The following EYA2 variants were observed in gnomAD, a reference collection of about 807,000 sequenced individuals.
The protein encoded by EYA2 is EYA transcriptional coactivator and phosphatase 2, also known as protein phosphatase EYA2.
Under a neutral mutation model 69.2 loss-of-function variants are expected in EYA2, and 31 were observed. That is an observed-to-expected ratio of 0.45 (90% CI 0.34 to 0.60). EYA2 has a LOEUF of 0.60. Ranked by LOEUF, EYA2 falls within the 20% of genes least tolerant of loss-of-function variation. The pLI is 0.02. For missense variants in EYA2, 622 were observed against 701.2 expected, an observed-to-expected ratio of 0.89 and a Z score of 1.28; for synonymous variants, 257 against 279.4, an observed-to-expected ratio of 0.92 and a Z score of 0.80.
intron 9 of EYA2, among the ~76,000 whole-genome samples, chr20:47,124,529 C>T (rs1446618847): frequency 2.0e-5 from 3 of 152,158 alleles, no homozygotes; most frequent in East Asian, 3.9e-4. Context: ...ATGGCAGCAG[C>T]GGGCACTTGC....
chr20:47,070,954 T>TC (rs1353060844), intron 5 of EYA2, among the ~76,000 whole-genome samples: 1 of 151,864 alleles, frequency 6.6e-6, no homozygotes, highest in East Asian at 1.9e-4. Flanking sequence ...GTTCAAGCAA[T>TC]CCCCCCGCCT....
At chr20:47,090,881 A>C (rs1213149090) in intron 8 of EYA2, among the ~76,000 whole-genome samples, 6 of 152,146 alleles carry the variant, frequency 3.9e-5, no homozygotes, top group African/African-American at 7.2e-5. Flanking sequence ...TGGATGCCCC[A>C]AAACCGGAAG....
chr20:46,933,897 A>G lies in EYA2; in HGVS notation c.-11+38910A>G, dbSNP rs138743848. ...AGTGCCTGGCACATTGTATATGCTC[A>G]ATTAAAAAGTGTTGGATGAATGAAT... On this transcript the variant is annotated intron_variant, in intron 1 of 15. Coordinates refer to ENST00000327619, the MANE Select transcript of EYA2 (RefSeq NM_005244.5). Among the ~76,000 whole-genome samples, 331 of 152,350 alleles carry G rather than the reference A, an allele frequency of 2.2e-3. 3 individuals carry two copies. The highest frequency in any genetic ancestry group is 6.8e-4 in the Non-Finnish European group (46 of 68,030).
At chr20:47,156,151 T>TAC (rs2033941724) in intron 10 of EYA2, among the ~76,000 whole-genome samples, 1 of 27,574 alleles carries the variant, frequency 3.6e-5, no homozygotes, top group Non-Finnish European at 5.9e-5. Context: ...TATATATATA[T>TAC]ATATATATAT....
chr20:47,016,852 C>T (rs960014212), intron 5 of EYA2, among the ~76,000 whole-genome samples: 2 of 152,150 alleles, frequency 1.3e-5, no homozygotes, highest in South Asian at 2.1e-4. Flanking sequence ...AAGAGCAAGG[C>T]GCAATCACAC....
At chr20:46,903,414 G>A (rs917025929) in intron 1 of EYA2, among the ~76,000 whole-genome samples, 4 of 152,188 alleles carry the variant, frequency 2.6e-5, no homozygotes, top group Non-Finnish European at 5.9e-5. Context: ...GGCTTACTCG[G>A]CCGACAGCAA....
intron 5 of EYA2, among the ~76,000 whole-genome samples, chr20:47,065,012 A>C (rs1037487145): frequency 2.0e-5 from 3 of 152,218 alleles, no homozygotes; most frequent in African/African-American, 7.2e-5. Flanking sequence ...AAGGAGGAGC[A>C]AAGTCACGTC....
intron 1 of EYA2, among the ~76,000 whole-genome samples, chr20:46,983,954 G>T (rs750483098): frequency 3.9e-5 from 6 of 152,030 alleles, no homozygotes; most frequent in Non-Finnish European, 7.4e-5. Flanking sequence ...TGTTATTTTT[G>T]ATCATGATAG....
In EYA2 at chr20:46,916,860, G is replaced by C. The variant is rs140618483; in HGVS notation, c.-11+21873G>C. 2.4e-3 allele frequency among the ~76,000 whole-genome samples: 362 copies of C among 152,248 alleles called. 5 individuals carry two copies. Among genetic ancestry groups the C allele is most frequent in the African/African-American group, 8.2e-3 (341 of 41,540 alleles). ...TATGAAGATTATCTCTCTACTGTTC[G>C]AAGTGAGCTTTGGACCCTTCCTTAT... On this transcript the variant is annotated intron_variant, in intron 1 of 15. Transcript: ENST00000327619.
intron 9 of EYA2, among the ~76,000 whole-genome samples, chr20:47,119,315 C>T (rs2032985535): frequency 6.6e-6 from 1 of 152,190 alleles, no homozygotes; most frequent in Admixed American, 6.5e-5. Context: ...TCCCACACTT[C>T]CTCTGTGAAT....
intron 1 of EYA2, among the ~76,000 whole-genome samples, chr20:46,898,376 C>T (rs1600523929): frequency 7.2e-6 from 1 of 137,934 alleles, no homozygotes. Context: ...GTTAAGAAAA[C>T]ACAGCCTGTT....
chr20:47,187,564 C>T (rs1264639643), intron 15 of EYA2, among the ~76,000 whole-genome samples: 3 of 152,136 alleles, frequency 2.0e-5, no homozygotes. Flanking sequence ...GGGAGGGGTT[C>T]CAGCACCGAG....
At chr20:47,037,548 A>T (rs1984792503) in intron 5 of EYA2, among the ~76,000 whole-genome samples, 8 of 152,220 alleles carry the variant, frequency 5.3e-5, no homozygotes, top group Non-Finnish European at 1.0e-4. Flanking sequence ...GGATGTCAGA[A>T]GTCTTACTGG....
In EYA2 at chr20:47,089,305, G is replaced by C. The variant is rs530061195; in HGVS notation, c.728G>C (p.Arg243Pro). 4.3e-6 allele frequency: 7 copies of C among 1,614,014 alleles called. No homozygotes were observed. The highest frequency in any genetic ancestry group is 1.7e-5 in the Admixed American group (1 of 59,994). Reference protein sequence around the residue: ...AKEGDTDRPHRASDGKLRGRS... With the variant: ...AKEGDTDRPHPASDGKLRGRS... ...GAGGGAGACACAGACAGGCCGCACC[G>C]GGCCTCCGACGGGAAGCTCCGAGGC... The change falls in exon 8 of 16, where the codon CGG (arginine) becomes CCG (proline). Residue 243 changes from arginine to proline, a missense_variant. Transcript: ENST00000327619.
chr20:46,984,913 G>A (rs1051180247), intron 1 of EYA2, among the ~76,000 whole-genome samples: 1 of 152,216 alleles, frequency 6.6e-6, no homozygotes. Context: ...TGGGTGTGCA[G>A]TATAGAATTA....
chr20:47,114,864 C>A (rs527937149), intron 9 of EYA2, among the ~76,000 whole-genome samples: 2 of 152,334 alleles, frequency 1.3e-5, no homozygotes, highest in East Asian at 3.9e-4. Flanking sequence ...CACTCTCCCC[C>A]TCTTGCTCCT....
chr20:46,958,502 G>T (rs1054166221), intron 1 of EYA2, among the ~76,000 whole-genome samples: 3 of 152,126 alleles, frequency 2.0e-5, no homozygotes, highest in Non-Finnish European at 4.4e-5. Context: ...CTGGTATGAA[G>T]ATAGTAGCAT....
At chr20:47,148,540 C>T (rs1335956989) in intron 10 of EYA2, among the ~76,000 whole-genome samples, 1 of 151,502 alleles carries the variant, frequency 6.6e-6, no homozygotes, top group Non-Finnish European at 1.5e-5. Flanking sequence ...GTATAGGCAA[C>T]AGAAATATGA....
intron 7 of EYA2, among the ~76,000 whole-genome samples, chr20:47,078,325 G>GTGCA (rs1555821907): frequency 2.8e-5 from 3 of 105,344 alleles, no homozygotes; most frequent in African/African-American, 1.3e-4. Context: ...ACGTGCGCGC[G>GTGCA]CGCGCGCACA....
Sources: allele counts gnomAD v4.1 joint callset (sites outside exome capture counted in the v4.1 genomes callset), GRCh38; gene constraint gnomAD v4.1.1; transcripts MANE v1.5; gene names NCBI Gene and HGNC (gene_info 2026-07-23, HGNC 2026-07-21).